SMARCA2: variants seen among roughly 807,000 people sequenced by gnomAD.
SMARCA2 encodes SWI/SNF-related matrix-associated actin-dependent regulator of chromatin subfamily A member 2.
In SMARCA2, 61 loss-of-function variants were observed where a neutral mutation model predicts 199.8. The observed-to-expected ratio is 0.31, with a 90% confidence interval of 0.25 to 0.38. The LOEUF (loss-of-function observed/expected upper bound fraction) is 0.38, where lower values mean the gene tolerates loss of function less well. Among genes scored for constraint, SMARCA2 ranks in the 10% least tolerant of loss-of-function variants. The pLI is 1.00. For missense variants in SMARCA2, 1,344 were observed against 2,012.2 expected (o/e 0.67, Z 6.35); for synonymous variants, 935 against 732.0 (o/e 1.28, Z -4.48).
rs141158008 is a variant in SMARCA2 at position 2,057,049 on chromosome 9, C to CA, written c.1347+206dup. On this transcript the variant is annotated intron_variant, in intron 7 of 33. Coordinates refer to ENST00000349721, the MANE Select transcript of SMARCA2 (RefSeq NM_003070.5). ...AAGCCAGGACGTATAAATGACTGCC[C>CA]AAGGTCATACAATTGCTTAGCAGCA... 6.8e-3 allele frequency among the ~76,000 whole-genome samples: 1,038 copies of CA among 152,242 alleles called. 11 individuals are homozygous for CA. The highest frequency in any genetic ancestry group is 0.022 in the African/African-American group (932 of 41,530).
intron 29 of SMARCA2, among the ~76,000 whole-genome samples, chr9:2,174,910 G>T (rs951024898): frequency 1.8e-5 from 2 of 112,000 alleles, no homozygotes; most frequent in Non-Finnish European, 3.3e-5. Context: ...GGGGGACAGA[G>T]TGAGACCCTC....
intron 29 of SMARCA2, 115 bp from the exon 30 acceptor site, chr9:2,181,456 T>C: frequency 1.5e-6 from 1 of 651,326 alleles, no homozygotes; most frequent in Non-Finnish European, 2.8e-6. Flanking sequence ...AAAAGCTCCA[T>C]ATCTATATGC....
At chr9:2,072,404 G>C (rs1017955021) in intron 10 of SMARCA2, among the ~76,000 whole-genome samples, 2 of 152,330 alleles carry the variant, frequency 1.3e-5, no homozygotes, top group African/African-American at 4.8e-5. Flanking sequence ...TAGTAGTCTA[G>C]TAATGAACTT....
chr9:2,151,614 A>T (rs371550746), intron 27 of SMARCA2, among the ~76,000 whole-genome samples: 97 of 152,176 alleles, frequency 6.4e-4, no homozygotes, highest in Middle Eastern at 3.4e-3. Flanking sequence ...CCTGCCTGTA[A>T]TCCCAGCTAT....
intron 32 of SMARCA2, 87 bp downstream of exon 32, chr9:2,186,315 G>C (rs186431531): frequency 5.1e-6 from 7 of 1,372,746 alleles, no homozygotes; most frequent in Non-Finnish European, 6.9e-6. Context: ...AGAGACTTTA[G>C]AGTGGGGCAG....
chr9:2,035,754 A>G (rs1586631067), intron 3 of SMARCA2, among the ~76,000 whole-genome samples: 1 of 152,246 alleles, frequency 6.6e-6, no homozygotes, highest in Admixed American at 6.5e-5. Context: ...AAAGGTCTGC[A>G]TTAAAGGGAA....
chr9:2,029,325 T>A, intron 2 of SMARCA2, 78 bp downstream of exon 2: 2 of 1,533,822 alleles, frequency 1.3e-6, no homozygotes, highest in Middle Eastern at 4.0e-4. Flanking sequence ...CATCCCCCTT[T>A]CTACTGTTGT....
intron 27 of SMARCA2, among the ~76,000 whole-genome samples, chr9:2,155,424 A>G (rs1825303516): frequency 6.6e-6 from 1 of 152,088 alleles, no homozygotes; most frequent in Non-Finnish European, 1.5e-5. Context: ...CTGGGACTAC[A>G]GGCACGTGCC....
At chr9:2,132,456 TG>T (rs550596243) in intron 27 of SMARCA2, among the ~76,000 whole-genome samples, 3,740 of 152,058 alleles carry the variant, frequency 0.025, 92 homozygotes, top group Non-Finnish European at 0.032. Context: ...GATTTTTTTG[TG>T]GGGGGGGATC....
intron 27 of SMARCA2, among the ~76,000 whole-genome samples, chr9:2,147,779 C>T (rs1824840808): frequency 6.6e-6 from 1 of 151,330 alleles, no homozygotes; most frequent in African/African-American, 2.4e-5. Flanking sequence ...ACCCGGGAGG[C>T]AGAGGTTGCA....
intron 19 of SMARCA2, among the ~76,000 whole-genome samples, chr9:2,090,524 G>A (rs139396891): frequency 1.1e-4 from 16 of 152,276 alleles, no homozygotes; most frequent in African/African-American, 3.9e-4. Flanking sequence ...TCAGTGAACT[G>A]GAAGATAAAT....
Position 2,169,022 on chromosome 9 carries a change from C to T in SMARCA2, c.4200-1397C>T, listed in dbSNP as rs531971701. Reference sequence around the variant, plus strand: ...TCGGAGATGACATGGTCTACTTAAGCTTCTGTGTCTCCTTGGTCAGCACCA... The same window carrying T: ...TCGGAGATGACATGGTCTACTTAAGTTTCTGTGTCTCCTTGGTCAGCACCA... On this transcript the variant is annotated intron_variant, in intron 28 of 33. Coordinates refer to ENST00000349721, the MANE Select transcript of SMARCA2 (RefSeq NM_003070.5). The surrounding 1 kb of genome is among the most constrained non-coding windows in gnomAD (Gnocchi z 6.5). Among the ~76,000 whole-genome samples, 24 of 152,350 alleles carry T rather than the reference C, an allele frequency of 1.6e-4. No individual in the cohort carries two copies. The highest frequency in any genetic ancestry group is 5.5e-4 in the African/African-American group (23 of 41,580).
chr9:2,128,949 G>T (rs937690901), intron 27 of SMARCA2, among the ~76,000 whole-genome samples: 1 of 152,142 alleles, frequency 6.6e-6, no homozygotes, highest in Admixed American at 6.5e-5. Flanking sequence ...CAACAACACT[G>T]CCCTGACTTC....
chr9:2,065,940 T>A (rs1199838231), intron 9 of SMARCA2, among the ~76,000 whole-genome samples: 1 of 152,230 alleles, frequency 6.6e-6, no homozygotes, highest in African/African-American at 2.4e-5. Flanking sequence ...ATTGACCAGT[T>A]ACTTGAGTCA....
chr9:2,166,299 T>G (rs73393358), intron 28 of SMARCA2, among the ~76,000 whole-genome samples: 1 of 152,240 alleles, frequency 6.6e-6, no homozygotes, highest in African/African-American at 2.4e-5. Flanking sequence ...TACAGGGTGG[T>G]TAGCTTCCTT....
chr9:2,034,828 T>G (rs1819251392), intron 3 of SMARCA2, among the ~76,000 whole-genome samples: 1 of 152,156 alleles, frequency 6.6e-6, no homozygotes, highest in Non-Finnish European at 1.5e-5. Flanking sequence ...GCATAATTGT[T>G]GCAGATAACT....
rs1821306364 is a variant in SMARCA2, at chr9:2,075,978, C to T, written c.1936-251C>T. Among the ~76,000 whole-genome samples the T allele has an allele frequency of 3.9e-5, 6 of 152,362 alleles. No individual in the cohort carries two copies. The South Asian group carries it at 1.2e-3, about 32-fold the overall frequency. On this transcript the variant is annotated intron_variant, in intron 12 of 33. Coordinates refer to ENST00000349721, the MANE Select transcript of SMARCA2 (RefSeq NM_003070.5). The stretch of plus-strand genomic sequence containing the variant: ...GTTTCTGGCATGATATTTACATACT[C>T]ATTCTTGGGAGCAAGGGTTCTAGGG...
chr9:2,157,275 G>A (rs1474517949), intron 27 of SMARCA2, among the ~76,000 whole-genome samples: 1 of 152,160 alleles, frequency 6.6e-6, no homozygotes, highest in Admixed American at 6.5e-5. Context: ...CAGGATCTCA[G>A]CAGGGCACGA....
At chr9:2,118,743 CCTTT>C (rs1330414247) in intron 25 of SMARCA2, among the ~76,000 whole-genome samples, 1 of 152,114 alleles carries the variant, frequency 6.6e-6, no homozygotes, top group Non-Finnish European at 1.5e-5. Flanking sequence ...AGATAATGTA[CCTTT>C]GTTTGACGTA....
Sources: gnomAD v4.1 joint callset for allele counts (sites outside exome capture counted in the v4.1 genomes callset) on GRCh38, gnomAD v4.1.1 for gene constraint, Gnocchi (gnomAD v3.1) non-coding constraint, MANE v1.5 for transcripts, NCBI Gene and HGNC (gene_info 2026-07-23, HGNC 2026-07-21) for gene names.